Variants in CTNNA1 observed in about 807,000 individuals in gnomAD.
The protein encoded by CTNNA1 is catenin alpha 1.
Under a neutral mutation model 98.4 loss-of-function variants are expected in CTNNA1, and 37 were observed. The observed-to-expected ratio is 0.38, with a 90% CI of 0.29 to 0.49. The LOEUF (loss-of-function observed/expected upper bound fraction) is 0.49, where lower values mean the gene tolerates loss of function less well. Ranked by LOEUF, CTNNA1 falls within the 20% of genes least tolerant of loss-of-function variation. The pLI is 0.95. For missense variants in CTNNA1, 761 were observed against 1,147.2 expected (o/e 0.66, Z 4.86); for synonymous variants, 404 against 413.2 (o/e 0.98, Z 0.27).
chr5:138,854,675 A>G (rs1763562213), intron 7 of CTNNA1, among the ~76,000 whole-genome samples: 1 of 152,222 alleles, frequency 6.6e-6, no homozygotes, highest in Non-Finnish European at 1.5e-5. Context: ...ATTTCCCAGT[A>G]AGCCTCTCTG....
chr5:138,826,440 T>C (rs3804199), intron 6 of CTNNA1, among the ~76,000 whole-genome samples: 99,071 of 152,072 alleles, frequency 0.65, 33,011 homozygotes, highest in East Asian at 0.93. Flanking sequence ...GTCTTGAGGA[T>C]GCCGATGTTT....
intron 7 of CTNNA1, among the ~76,000 whole-genome samples, chr5:138,852,178 G>A (rs1406918777): frequency 5.9e-5 from 9 of 152,306 alleles, no homozygotes; most frequent in East Asian, 1.9e-4. Flanking sequence ...TGGGCCTGGC[G>A]TTAACCCTTT....
chr5:138,777,693 C>CA (rs1162913368), intron 1 of CTNNA1, among the ~76,000 whole-genome samples: 2 of 151,436 alleles, frequency 1.3e-5, no homozygotes, highest in Non-Finnish European at 2.9e-5. Flanking sequence ...CCGTCTCCAC[C>CA]AAAAAAATAC....
intron 3 of CTNNA1, among the ~76,000 whole-genome samples, chr5:138,785,064 A>ATT (rs34811565): frequency 0.024 from 3,430 of 140,392 alleles, 143 homozygotes; most frequent in African/African-American, 0.083. Flanking sequence ...TAATTAATTA[A>ATT]TTTTTTTTTT....
At chr5:138,929,458 C>T (rs369254424) in intron 14 of CTNNA1, 102 bp downstream of exon 14, 29 of 644,062 alleles carry the variant, frequency 4.5e-5, no homozygotes, top group East Asian at 2.2e-4. Context: ...AACACCGTTT[C>T]TCTCTCTCTG....
chr5:138,813,003 AGTT>A (rs1443990070), intron 5 of CTNNA1, among the ~76,000 whole-genome samples: 1 of 152,240 alleles, frequency 6.6e-6, no homozygotes, highest in Non-Finnish European at 1.5e-5. Flanking sequence ...CAAGAAGAAT[AGTT>A]GTTGTTAGCT....
intron 16 of CTNNA1, 68 bp downstream of exon 16, chr5:138,931,003 A>G: frequency 2.0e-6 from 2 of 1,010,484 alleles, no homozygotes; most frequent in Admixed American, 1.8e-5. Context: ...AGCCTGGTCC[A>G]TTCAGGGTAA....
intron 1 of CTNNA1, among the ~76,000 whole-genome samples, chr5:138,771,941 C>T (rs1159921071): frequency 1.3e-5 from 2 of 152,060 alleles, no homozygotes; most frequent in Non-Finnish European, 2.9e-5. Flanking sequence ...AAAAAATTGG[C>T]ATTGAGTAGC....
chr5:138,932,301 G>A (rs1765533894), intron 16 of CTNNA1: 19 of 1,220,190 alleles, frequency 1.6e-5, no homozygotes, highest in Non-Finnish European at 1.9e-5. Flanking sequence ...CGTCATAGGA[G>A]GGAAGTCAGT....
intron 17 of CTNNA1, 100 bp from the exon 18 acceptor site, chr5:138,933,702 T>TA: frequency 7.8e-7 from 1 of 1,276,190 alleles, no homozygotes; most frequent in Admixed American, 2.3e-5. Context: ...GGCCCTGGTC[T>TA]TGCAGAGGAG....
chr5:138,813,202 C>T (rs1212296248), intron 5 of CTNNA1, among the ~76,000 whole-genome samples: 3 of 152,210 alleles, frequency 2.0e-5, no homozygotes, highest in Admixed American at 6.5e-5. Context: ...TGATATTTTT[C>T]ATCACTATCG....
intron 16 of CTNNA1, 111 bp downstream of exon 16, chr5:138,931,046 C>T (rs1580913302): frequency 1.4e-6 from 1 of 692,046 alleles, no homozygotes; most frequent in East Asian, 2.7e-5. Flanking sequence ...TGCCACTCAT[C>T]TCTAAAAATG....
chr5:138,869,115 T>C (rs1358533775), intron 7 of CTNNA1: 1 of 150,840 alleles, frequency 6.6e-6, no homozygotes. Context: ...GACTGTACTT[T>C]GAGTTTCCAG....
At chr5:138,795,275 C>T (rs541794624) in intron 3 of CTNNA1, among the ~76,000 whole-genome samples, 1 of 151,042 alleles carries the variant, frequency 6.6e-6, no homozygotes, top group Admixed American at 6.6e-5. Flanking sequence ...GCCTGACCAA[C>T]ATGGTGAGAC....
At chr5:138,904,695 G>A (rs1253292869) in intron 10 of CTNNA1, 6 of 384,934 alleles carry the variant, frequency 1.6e-5, no homozygotes, top group Non-Finnish European at 2.3e-5. Context: ...GGTGGCTCAC[G>A]CCTGTAATCG....
chr5:138,882,722 G>T (rs778260201), intron 7 of CTNNA1, among the ~76,000 whole-genome samples: 4 of 152,180 alleles, frequency 2.6e-5, no homozygotes, highest in Non-Finnish European at 4.4e-5. Flanking sequence ...TACGCTACAG[G>T]GTTGCTTTTC....
intron 4 of CTNNA1, 177 bp from the exon 5 acceptor site, chr5:138,812,006 T>C (rs1200361655): frequency 1.1e-5 from 6 of 547,462 alleles, no homozygotes; most frequent in Non-Finnish European, 2.0e-5. Context: ...TTTTTCCCAC[T>C]ATGAAGCTCC....
intron 1 of CTNNA1, chr5:138,753,749 T>C (rs568382838): frequency 5.5e-5 from 16 of 291,578 alleles, no homozygotes; most frequent in Non-Finnish European, 9.5e-5. Flanking sequence ...CGGCCGGCGC[T>C]TCCCAGCGCT....
At chr5:138,833,976 T>A (rs532958041) in intron 7 of CTNNA1, among the ~76,000 whole-genome samples, 1 of 152,336 alleles carries the variant, frequency 6.6e-6, no homozygotes, top group South Asian at 2.1e-4. Flanking sequence ...TGTTAATACA[T>A]CAAGTATAAA....
Sources: gnomAD v4.1 joint callset for allele counts (sites outside exome capture counted in the v4.1 genomes callset) on GRCh38, gnomAD v4.1.1 for gene constraint, MANE v1.5 for transcripts, NCBI Gene and HGNC (gene_info 2026-07-23, HGNC 2026-07-21) for gene names.